Variants in LRRC56 observed in about 807,000 individuals in gnomAD.
LRRC56 encodes leucine rich repeat containing 56.
Under a neutral mutation model 47.8 loss-of-function variants are expected in LRRC56, and 41 were observed. The ratio of observed to expected loss-of-function variants is 0.86; its 90% CI spans 0.67 to 1.11. The LOEUF is 1.11. Among genes scored for constraint, LRRC56 ranks in the 50% most tolerant of loss-of-function variants. The pLI is 0.00. For synonymous variants in LRRC56, 387 were observed against 311.2 expected (o/e 1.24, Z -2.56); for missense variants, 759 against 704.2 (o/e 1.08, Z -0.88).
upstream of LRRC56, chr11:533,528 C>T (rs1851243465): frequency 6.2e-7 from 1 of 1,613,840 alleles, no homozygotes; most frequent in Non-Finnish European, 8.5e-7. Flanking sequence ...GCCGAGATTC[C>T]ACAGTGCGTG....
At chr11:533,223 G>A, upstream of LRRC56, 1 of 1,455,494 alleles carries the variant, frequency 6.9e-7, no homozygotes, top group Non-Finnish European at 9.3e-7. Flanking sequence ...CAGGGCGTGA[G>A]CCCAGACCCC....
intron 9 of LRRC56, 29 bp from the exon 10 acceptor site, chr11:551,622 G>A (rs747183708): frequency 1.4e-5 from 21 of 1,528,666 alleles, no homozygotes; most frequent in Admixed American, 2.1e-5. Context: ...GCTGGGCCTT[G>A]GTGACCTCTG....
At chr11:534,093 C>A, upstream of LRRC56, 1 of 1,158,164 alleles carries the variant, frequency 8.6e-7, no homozygotes, top group Non-Finnish European at 1.3e-6. Context: ...CTAGAGGAAG[C>A]AGGAGACAGG....
chr11:523,732 A>G, the LRRC56 span, among the ~76,000 whole-genome samples: 1 of 152,014 alleles, frequency 6.6e-6, no homozygotes, highest in Non-Finnish European at 1.5e-5. Flanking sequence ...GGAGTTCAAG[A>G]CCAGCCTGGC....
intron 6 of LRRC56, among the ~76,000 whole-genome samples, chr11:549,238 G>A (rs1283029744): frequency 1.3e-5 from 2 of 152,230 alleles, no homozygotes; most frequent in Non-Finnish European, 2.9e-5. Flanking sequence ...GTGAGCTCAG[G>A]TGGCCCTTTC....
In LRRC56 at chr11:541,368, T is replaced by C. The variant is rs1297840324; in HGVS notation, c.178-169T>C. Among the ~76,000 whole-genome samples the C allele has an allele frequency of 6.6e-6, 1 of 152,158 alleles. No homozygotes were observed. Among genetic ancestry groups the C allele is most frequent in the East Asian group, 1.9e-4 (1 of 5,182 alleles). The stretch of plus-strand genomic sequence containing the variant: ...CCAAGTGCAGCACAAGCTCTGCTCC[T>C]GTCACATCCACTCCCATCCCACCAC... On this transcript the variant is annotated intron_variant, in intron 4 of 13. Coordinates refer to ENST00000270115, the MANE Select transcript of LRRC56 (RefSeq NM_198075.4). This position sits in a 1 kb window ranked among gnomAD's most constrained non-coding sequence, Gnocchi z 4.1.
the LRRC56 span, among the ~76,000 whole-genome samples, chr11:509,192 CT>C: frequency 6.6e-6 from 1 of 152,130 alleles, no homozygotes; most frequent in East Asian, 1.9e-4. Flanking sequence ...GTAGCTGATT[CT>C]TTAACTCTCT....
At position 551,124 on chromosome 11, in the gene LRRC56, C is replaced by T; in HGVS notation, c.625-7C>T. The T allele has an allele frequency of 6.9e-7, 1 of 1,442,430 alleles. No homozygotes were observed. Among genetic ancestry groups the T allele is most frequent in the Non-Finnish European group, 9.2e-7 (1 of 1,081,448 alleles). The allele number at this position is 1,442,430 out of a possible 1,614,324, so 89.4% of individuals were successfully genotyped here. ...TGCCCTCCCTCCCCCTCCCCCTCCC[C>T]CTGCAGGTGCCCAGGGGCTACAACT... On this transcript the variant is annotated splice_region_variant and splice_polypyrimidine_tract_variant and intron_variant, in intron 8 of 13. Coordinates refer to ENST00000270115, the MANE Select transcript of LRRC56 (RefSeq NM_198075.4).
At chr11:547,162 G>A (rs1194194130) in intron 6 of LRRC56, among the ~76,000 whole-genome samples, 2 of 152,008 alleles carry the variant, frequency 1.3e-5, no homozygotes, top group East Asian at 3.9e-4. Context: ...GACCTGGGAG[G>A]TGGAGGTTGC....
chr11:507,238 T>G, the LRRC56 span: 5 of 146,820 alleles, frequency 3.4e-5, no homozygotes, highest in Admixed American at 2.0e-4. Flanking sequence ...GGCGCGGGCG[T>G]GTTCGAGCCG....
the LRRC56 span, among the ~76,000 whole-genome samples, chr11:515,479 C>T: frequency 6.6e-6 from 1 of 152,210 alleles, no homozygotes; most frequent in Admixed American, 6.5e-5. Context: ...ACCCAAGTCA[C>T]ACTGACATCC....
At chr11:538,041 T>G (rs890392661) in intron 1 of LRRC56, among the ~76,000 whole-genome samples, 2 of 151,934 alleles carry the variant, frequency 1.3e-5, no homozygotes, top group Non-Finnish European at 2.9e-5. Context: ...TTGGGGAGCA[T>G]GGGGGCTTGC....
chr11:542,934 C>CGCCCAG, intron 5 of LRRC56, among the ~76,000 whole-genome samples: 1 of 151,730 alleles, frequency 6.6e-6, no homozygotes, highest in Admixed American at 6.6e-5. Flanking sequence ...CTCATTCTGT[C>CGCCCAG]GCCCAGGCTG....
chr11:532,381 G>A, the LRRC56 span: 1 of 588,374 alleles, frequency 1.7e-6, no homozygotes, highest in Non-Finnish European at 3.0e-6. Context: ...CCCTGGGAGG[G>A]TCTGCAGTCA....
upstream of LRRC56, chr11:537,350 C>G (rs1851557267): frequency 6.6e-6 from 1 of 152,250 alleles, no homozygotes; most frequent in Non-Finnish European, 1.5e-5. Context: ...GCAGGGGCGC[C>G]CACGCACGTG....
At position 554,110 on chromosome 11, in the gene LRRC56, G is replaced by C. The variant is rs780688450; in HGVS notation, c.1463G>C (p.Gly488Ala). 2 of 1,606,008 alleles carry C rather than the reference G, an allele frequency of 1.2e-6. No individual in the cohort carries two copies. Among genetic ancestry groups the C allele is most frequent in the South Asian group, 2.2e-5 (2 of 90,810 alleles). Residue 488 changes from glycine to alanine, a missense_variant, in exon 14 of 14, where the codon GGC (glycine) becomes GCC (alanine). Gly to Ala is a moderately conservative substitution (Grantham distance 60). Transcript: ENST00000270115. ...CGAGTCCTGGGCAGCTGGGGGCCTGGCCTGGGTGATGGGGTGGCTGCAGTG... is the reference window on the plus strand; with the variant it reads ...CGAGTCCTGGGCAGCTGGGGGCCTGCCCTGGGTGATGGGGTGGCTGCAGTG... Reference protein sequence around the residue: ...RLRVLGSWGPGLGDGVAAVPV... With the variant: ...RLRVLGSWGPALGDGVAAVPV...
the LRRC56 span, among the ~76,000 whole-genome samples, chr11:526,264 G>C: frequency 6.6e-6 from 1 of 152,182 alleles, no homozygotes; most frequent in East Asian, 1.9e-4. Context: ...AAAAACTTCA[G>C]CAAAGGGGAC....
chr11:535,836 C>T (rs1475155062), upstream of LRRC56, among the ~76,000 whole-genome samples: 1 of 152,024 alleles, frequency 6.6e-6, no homozygotes, highest in Non-Finnish European at 1.5e-5. Flanking sequence ...CCCGGGGCGG[C>T]ATCTCCGAGC....
chr11:535,773 C>T (rs868408000), upstream of LRRC56, among the ~76,000 whole-genome samples: 90 of 152,188 alleles, frequency 5.9e-4, no homozygotes, highest in African/African-American at 1.9e-3. Context: ...GGCTGGAGAC[C>T]GGAGCCGAGC....
Sources: allele counts gnomAD v4.1 joint callset (sites outside exome capture counted in the v4.1 genomes callset), GRCh38; gene constraint gnomAD v4.1.1; non-coding constraint Gnocchi (gnomAD v3.1); transcripts MANE v1.5; gene names NCBI Gene and HGNC (gene_info 2026-07-23, HGNC 2026-07-21).